Variants in NFATC2 observed in about 807,000 individuals in gnomAD.
NFATC2 encodes the protein nuclear factor of activated T-cells, cytoplasmic 2.
In NFATC2, 22 loss-of-function variants were observed where a neutral mutation model predicts 87.3. The observed-to-expected ratio is 0.25, with a 90% CI of 0.18 to 0.36. The LOEUF is 0.36. Among genes scored for constraint, NFATC2 ranks in the 10% least tolerant of loss-of-function variants. The pLI, the probability that NFATC2 is intolerant of heterozygous loss-of-function variation, is 1.00. For synonymous variants in NFATC2, 565 were observed against 542.2 expected (o/e 1.04, Z -0.58); for missense variants, 1,149 against 1,259.1 (o/e 0.91, Z 1.32).
At chr20:51,411,996 G>T (rs989152377) in intron 9 of NFATC2, among the ~76,000 whole-genome samples, 1 of 152,116 alleles carries the variant, frequency 6.6e-6, no homozygotes, top group African/African-American at 2.4e-5. Flanking sequence ...GCCCCATTAG[G>T]GTGAGCGAGC....
rs1255587796 is a variant in NFATC2 at position 51,523,328 on chromosome 20, C to T, written c.913G>A (p.Asp305Asn). 3.1e-6 allele frequency: 5 copies of T among 1,613,082 alleles called. No individual in the cohort carries two copies. The highest frequency in any genetic ancestry group is 4.2e-6 in the Non-Finnish European group (5 of 1,179,568). Residue 305 changes from aspartate (D) to asparagine (N), a missense_variant, in exon 2 of 11, where the codon GAT (aspartate) becomes AAT (asparagine). Asp to Asn is a conservative substitution (Grantham distance 23, BLOSUM62 1). Transcript: ENST00000371564. The surrounding 1 kb of genome is among the most constrained non-coding windows in gnomAD (Gnocchi z 6.9). The part of the protein sequence containing the change: ...PPVAGSAVIM[D>N]ALNSLATDSP... ...TCCGTGGCGAGGCTGTTCAGGGCAT[C>T]CATGATCACGGCAGAGCCAGCCACA...
intron 3 of NFATC2, among the ~76,000 whole-genome samples, chr20:51,494,443 A>C (rs1211727000): frequency 1.3e-5 from 2 of 151,970 alleles, no homozygotes; most frequent in African/African-American, 4.8e-5. Context: ...ATTCCCTCAC[A>C]CTTCGCTCTT....
Position 51,540,647 on chromosome 20 carries a change from G to GTTTTTTTTTT in NFATC2, c.130+1713_130+1722dup, listed in dbSNP as rs375172598. On this transcript the variant is annotated intron_variant, in intron 1 of 10. Coordinates refer to ENST00000371564, the MANE Select transcript of NFATC2 (RefSeq NM_012340.5). Reference sequence around the variant, plus strand: ...ATCTGAAACTGTTCCAAAAACTGAAGTTTTTTTTTTGTTTTTTTTTTTTTG... The same window carrying GTTTTTTTTTT: ...ATCTGAAACTGTTCCAAAAACTGAAGTTTTTTTTTTTTTTTTTTTTGTTTTTTTTTTTTTG... Among the ~76,000 whole-genome samples the GTTTTTTTTTT allele has an allele frequency of 7.4e-4, 84 of 112,916 alleles. 12 individuals carry two copies. Among genetic ancestry groups the GTTTTTTTTTT allele is most frequent in the African/African-American group, 2.5e-3 (56 of 22,848 alleles). The allele number at this position is 112,916 out of a possible 152,430, so 74.1% of individuals were successfully genotyped here. A position where few individuals can be genotyped will look rare whatever the true frequency, so the allele number is the denominator to read the frequency against.
At chr20:51,516,647 C>A in intron 3 of NFATC2, 137 bp downstream of exon 3, 1 of 828,780 alleles carries the variant, frequency 1.2e-6, no homozygotes, top group East Asian at 2.7e-5. Context: ...AATTTAATCT[C>A]ATATTTCTCA....
intron 5 of NFATC2, among the ~76,000 whole-genome samples, chr20:51,459,737 G>A (rs1986947177): frequency 1.3e-5 from 2 of 152,042 alleles, no homozygotes; most frequent in Admixed American, 1.3e-4. Context: ...AAATTGGCCG[G>A]GCCTGGTAGC....
intron 3 of NFATC2, among the ~76,000 whole-genome samples, chr20:51,495,060 G>A (rs1290482219): frequency 6.6e-6 from 1 of 152,162 alleles, no homozygotes; most frequent in Non-Finnish European, 1.5e-5. Flanking sequence ...GCTCAGCAGA[G>A]CCAGAATCCC....
intron 5 of NFATC2, among the ~76,000 whole-genome samples, chr20:51,468,460 G>T (rs1204966669): frequency 1.3e-5 from 2 of 152,226 alleles, no homozygotes; most frequent in South Asian, 2.1e-4. Flanking sequence ...CCCTGAGCTG[G>T]CAGGGCTTTG....
chr20:51,402,553 A>C (rs1988160210), intron 9 of NFATC2, among the ~76,000 whole-genome samples: 1 of 152,250 alleles, frequency 6.6e-6, no homozygotes, highest in South Asian at 2.1e-4. Context: ...AGTAATTCAA[A>C]CCCACAAATC....
At chr20:51,457,695 T>A (rs1369024047) in intron 5 of NFATC2, among the ~76,000 whole-genome samples, 1 of 150,958 alleles carries the variant, frequency 6.6e-6, no homozygotes, top group African/African-American at 2.4e-5. Flanking sequence ...GGCCTTGGCA[T>A]CACTGGAGAG....
chr20:51,475,194 C>T (rs527478877), intron 4 of NFATC2, among the ~76,000 whole-genome samples: 2 of 152,240 alleles, frequency 1.3e-5, no homozygotes, highest in South Asian at 4.2e-4. Context: ...GTCTTGAATT[C>T]CTGATCTCAA....
intron 3 of NFATC2, among the ~76,000 whole-genome samples, chr20:51,505,532 G>A (rs940840718): frequency 4.0e-5 from 6 of 151,864 alleles, no homozygotes; most frequent in Non-Finnish European, 8.8e-5. Flanking sequence ...ATATACACAT[G>A]CATACGAATG....
chr20:51,488,120 T>G (rs1439900284), intron 3 of NFATC2, among the ~76,000 whole-genome samples: 2 of 152,132 alleles, frequency 1.3e-5, no homozygotes, highest in Admixed American at 1.3e-4. Context: ...ACTCACCTCT[T>G]CATCGGGGCC....
intron 6 of NFATC2, among the ~76,000 whole-genome samples, chr20:51,438,984 G>A (rs1212322525): frequency 6.6e-6 from 1 of 152,252 alleles, no homozygotes; most frequent in Non-Finnish European, 1.5e-5. Flanking sequence ...CCAGATCATT[G>A]TGAGGCTAGA....
intron 1 of NFATC2, among the ~76,000 whole-genome samples, chr20:51,560,533 G>T (rs1405147371): frequency 4.6e-5 from 7 of 152,052 alleles, no homozygotes; most frequent in Non-Finnish European, 7.4e-5. Flanking sequence ...TCTATTTAAC[G>T]ACCCCACCCA....
chr20:51,420,910 G>A (rs945153224), intron 9 of NFATC2, among the ~76,000 whole-genome samples: 15 of 151,828 alleles, frequency 9.9e-5, no homozygotes, highest in African/African-American at 3.6e-4. Context: ...AAATATTGCT[G>A]TGTAGCTAGG....
chr20:51,480,675 G>A lies in NFATC2; in HGVS notation c.1333-5015C>T, dbSNP rs1989181330. Among the ~76,000 whole-genome samples, 2 of 152,152 alleles carry A rather than the reference G, an allele frequency of 1.3e-5. No individual in the cohort carries two copies. The highest frequency in any genetic ancestry group is 2.1e-4 in the South Asian group (1 of 4,828). On this transcript the variant is annotated intron_variant, in intron 3 of 10. Coordinates refer to ENST00000371564, the MANE Select transcript of NFATC2 (RefSeq NM_012340.5). The surrounding 1 kb of genome is among the most constrained non-coding windows in gnomAD (Gnocchi z 4.2). The stretch of plus-strand genomic sequence containing the variant: ...TGCTTCTTGATGGCTGTGTGACTGT[G>A]AGCAATCGCTCCACCCCTGAGTTTC...
At chr20:51,409,890 T>C (rs975077446) in intron 9 of NFATC2, among the ~76,000 whole-genome samples, 1 of 152,192 alleles carries the variant, frequency 6.6e-6, no homozygotes, top group Admixed American at 6.5e-5. Context: ...GGTCCCTCCT[T>C]GAGTCCAGAG....
intron 5 of NFATC2, among the ~76,000 whole-genome samples, chr20:51,462,370 C>T (rs1471668362): frequency 2.6e-5 from 4 of 151,848 alleles, no homozygotes; most frequent in African/African-American, 9.7e-5. Flanking sequence ...TGCTTGAACC[C>T]GGTAGGCAGA....
intron 10 of NFATC2, among the ~76,000 whole-genome samples, 161 bp downstream of exon 10, chr20:51,398,482 C>T (rs1263958464): frequency 1.3e-5 from 2 of 152,062 alleles, no homozygotes; most frequent in African/African-American, 4.8e-5. Context: ...CAGGAGTGTC[C>T]ACTTCAGGAG....
Sources: gnomAD v4.1 joint callset for allele counts (sites outside exome capture counted in the v4.1 genomes callset) on GRCh38, gnomAD v4.1.1 for gene constraint, Gnocchi (gnomAD v3.1) non-coding constraint, MANE v1.5 for transcripts, NCBI Gene and HGNC (gene_info 2026-07-23, HGNC 2026-07-21) for gene names.